MBOAT2: variants seen among roughly 807,000 people sequenced by gnomAD.
The protein encoded by MBOAT2 is membrane-bound glycerophospholipid O-acyltransferase 2.
Under a neutral mutation model 63.4 loss-of-function variants are expected in MBOAT2, and 28 were observed. The observed-to-expected ratio is 0.44, with a 90% CI of 0.33 to 0.61. MBOAT2 has a LOEUF of 0.61. Ranked by LOEUF, MBOAT2 falls within the 20% of genes least tolerant of loss-of-function variation. The pLI, the probability that MBOAT2 is intolerant of heterozygous loss-of-function variation, is 0.03. For synonymous variants in MBOAT2, 211 were observed against 215.6 expected (o/e 0.98, Z 0.19); for missense variants, 470 against 605.8 (o/e 0.78, Z 2.35).
chr2:8,939,578 GAC>G (rs1470448478), intron 3 of MBOAT2, among the ~76,000 whole-genome samples: 5 of 152,264 alleles, frequency 3.3e-5, no homozygotes, highest in African/African-American at 1.2e-4. Flanking sequence ...CAGGGTCAGA[GAC>G]ACAGTCAGGC....
chr2:8,964,110 T>A (rs912671115), intron 1 of MBOAT2, among the ~76,000 whole-genome samples: 9 of 152,330 alleles, frequency 5.9e-5, no homozygotes, highest in African/African-American at 2.2e-4. Context: ...GTATTTCTAA[T>A]ACTACACGTA....
intron 2 of MBOAT2, among the ~76,000 whole-genome samples, chr2:8,947,658 A>G (rs1668514061): frequency 6.6e-6 from 1 of 152,232 alleles, no homozygotes; most frequent in Admixed American, 6.5e-5. Flanking sequence ...TTAATGGAAA[A>G]ACAAAGTCTG....
intron 2 of MBOAT2, among the ~76,000 whole-genome samples, chr2:8,951,662 A>G (rs1393892679): frequency 6.6e-6 from 1 of 152,096 alleles, no homozygotes; most frequent in Non-Finnish European, 1.5e-5. Flanking sequence ...ATCTTAAGAG[A>G]CTGTGTATTT....
chr2:8,867,222 G>GGT (rs1310746505), intron 9 of MBOAT2, among the ~76,000 whole-genome samples: 144 of 152,196 alleles, frequency 9.5e-4, no homozygotes, highest in African/African-American at 3.3e-3. Flanking sequence ...TTGCCATGTT[G>GGT]CCCAGGCTGG....
chr2:8,989,354 C>T (rs1375302203), intron 1 of MBOAT2, among the ~76,000 whole-genome samples: 1 of 152,120 alleles, frequency 6.6e-6, no homozygotes, highest in Non-Finnish European at 1.5e-5. Flanking sequence ...ATTGGCTCAA[C>T]AGGATAATTT....
At chr2:8,900,285 G>A (rs1664815805) in intron 4 of MBOAT2, among the ~76,000 whole-genome samples, 1 of 152,170 alleles carries the variant, frequency 6.6e-6, no homozygotes, top group Non-Finnish European at 1.5e-5. Flanking sequence ...TCATTTACTT[G>A]ACTAAGATAC....
At chr2:8,963,912 C>T (rs1413162307) in intron 1 of MBOAT2, among the ~76,000 whole-genome samples, 1 of 152,218 alleles carries the variant, frequency 6.6e-6, no homozygotes, top group East Asian at 1.9e-4. Flanking sequence ...GTGCAGCGCA[C>T]TGTGCTTTAC....
rs568715739 is a variant in MBOAT2 at position 8,968,922 on chromosome 2, C to T, written c.76-10280G>A. On this transcript the variant is annotated intron_variant, in intron 1 of 12. Coordinates refer to ENST00000305997, the MANE Select transcript of MBOAT2 (RefSeq NM_138799.4). Reference sequence around the variant, plus strand: ...GTCTGACTGGTGTACCTAAAAGTGACGGGGAGAATGGAACCAAGTGGAAAA... The same window carrying T: ...GTCTGACTGGTGTACCTAAAAGTGATGGGGAGAATGGAACCAAGTGGAAAA... 5.3e-5 allele frequency among the ~76,000 whole-genome samples: 8 copies of T among 152,182 alleles called. No homozygotes were observed. The South Asian group carries it at 6.2e-4, about 12-fold the overall frequency.
Position 9,003,549 on chromosome 2 carries a change from G to T in MBOAT2, c.66C>A (p.Pro22=). The T allele has an allele frequency of 8.2e-7, 1 of 1,223,324 alleles. No homozygotes were observed. The highest frequency in any genetic ancestry group is 1.0e-6 in the Non-Finnish European group (1 of 976,852). The allele number at this position is 1,223,324 out of a possible 1,614,324, so 75.8% of individuals were successfully genotyped here. A position where few individuals can be genotyped will look rare whatever the true frequency, so the allele number is the denominator to read the frequency against. Residue 22 remains proline, a synonymous_variant, in exon 1 of 13, where the codon CCC becomes CCA. Transcript: ENST00000305997. This position sits in a 1 kb window ranked among gnomAD's most constrained non-coding sequence, Gnocchi z 5.4. ...LQPLSNAVQL[P]IDQVNFVVCQ... The stretch of plus-strand genomic sequence containing the variant: ...GGGCGCCTCGGGGTACCTGGTCGAT[G>T]GGCAGCTGCACGGCGTTGCTGAGGG...
chr2:8,973,018 G>A (rs908757305), intron 1 of MBOAT2, among the ~76,000 whole-genome samples: 9 of 152,006 alleles, frequency 5.9e-5, no homozygotes, highest in Non-Finnish European at 1.0e-4. Flanking sequence ...CCCATTACTG[G>A]GTATATACCC....
At chr2:8,908,579 G>T in intron 4 of MBOAT2, 42 bp downstream of exon 4, 1 of 1,113,954 alleles carries the variant, frequency 9.0e-7, no homozygotes, top group Non-Finnish European at 1.3e-6. Flanking sequence ...CACCTTGTTG[G>T]AATGGATAAA....
chr2:8,919,201 G>A (rs1454111998), intron 3 of MBOAT2, among the ~76,000 whole-genome samples: 1 of 152,176 alleles, frequency 6.6e-6, no homozygotes, highest in African/African-American at 2.4e-5. Context: ...ATTATGAATA[G>A]TGCTACTCTA....
intron 8 of MBOAT2, among the ~76,000 whole-genome samples, chr2:8,872,552 GA>G (rs777937863): frequency 9.9e-5 from 15 of 152,262 alleles, no homozygotes; most frequent in Non-Finnish European, 1.8e-4. Flanking sequence ...AAAGTGCAGG[GA>G]TTATAGGGGT....
chr2:8,990,744 A>G (rs1157351961), intron 1 of MBOAT2, among the ~76,000 whole-genome samples: 1 of 152,250 alleles, frequency 6.6e-6, no homozygotes, highest in Non-Finnish European at 1.5e-5. Context: ...ATTTCCATCC[A>G]GGTCTAATAG....
In MBOAT2 at chr2:8,854,346, T is replaced by C. The variant is rs1336165154; in HGVS notation, c.*4333A>G. On this transcript the variant is annotated 3_prime_UTR_variant, in exon 13 of 13. Transcript: ENST00000305997. The stretch of plus-strand genomic sequence containing the variant: ...GAGTGTATCAACGACCAGCCACTCA[T>C]TAAATGCACACTGGGTTAAATGCAG... 1 of 152,250 alleles carries C rather than the reference T, an allele frequency of 6.6e-6. No homozygotes were observed. The highest frequency in any genetic ancestry group is 1.5e-5 in the Non-Finnish European group (1 of 68,048). The allele number at this position is 152,250 out of a possible 1,614,324, so 9.4% of individuals were successfully genotyped here. A position where few individuals can be genotyped will look rare whatever the true frequency, so the allele number is the denominator to read the frequency against.
intron 3 of MBOAT2, among the ~76,000 whole-genome samples, chr2:8,927,273 A>G (rs1007529452): frequency 6.6e-6 from 1 of 152,108 alleles, no homozygotes; most frequent in South Asian, 2.1e-4. Flanking sequence ...CTTCTTAAAC[A>G]CTTTACCCTA....
At chr2:8,918,615 A>G (rs1666357084) in intron 3 of MBOAT2, among the ~76,000 whole-genome samples, 1 of 152,196 alleles carries the variant, frequency 6.6e-6, no homozygotes, top group South Asian at 2.1e-4. Flanking sequence ...ATAAAATAAA[A>G]TGGAGTGCAA....
At chr2:8,904,880 A>T (rs1467859353) in intron 4 of MBOAT2, among the ~76,000 whole-genome samples, 2 of 152,198 alleles carry the variant, frequency 1.3e-5, no homozygotes. Flanking sequence ...GAAACCAAAC[A>T]ACTTCAGTAG....
chr2:8,864,755 C>T (rs1479481382), intron 9 of MBOAT2, among the ~76,000 whole-genome samples: 1 of 152,138 alleles, frequency 6.6e-6, no homozygotes, highest in African/African-American at 2.4e-5. Flanking sequence ...CAGGGCATCC[C>T]ACCTTCCCAG....
Sources: gnomAD v4.1 joint callset for allele counts (sites outside exome capture counted in the v4.1 genomes callset) on GRCh38, gnomAD v4.1.1 for gene constraint, Gnocchi (gnomAD v3.1) non-coding constraint, MANE v1.5 for transcripts, NCBI Gene and HGNC (gene_info 2026-07-23, HGNC 2026-07-21) for gene names.